The following PRKAR1A variants were observed in gnomAD, a reference collection of about 807,000 sequenced individuals.
PRKAR1A encodes the protein protein kinase cAMP-dependent type I regulatory subunit alpha.
In PRKAR1A, 3 loss-of-function variants were observed where a neutral mutation model predicts 52.0. That is an observed-to-expected ratio of 0.06 (90% CI 0.03 to 0.15). The LOEUF (loss-of-function observed/expected upper bound fraction) is 0.15. Ranked by LOEUF, PRKAR1A falls within the 10% of genes least tolerant of loss-of-function variation. The probability of loss-of-function intolerance (pLI) is 1.00; values close to 1 mark genes in which losing one functional copy is unlikely to be tolerated. For missense variants in PRKAR1A, 240 were observed against 477.4 expected, an observed-to-expected ratio of 0.50 and a Z score of 4.63; for synonymous variants, 188 against 168.4, an observed-to-expected ratio of 1.12 and a Z score of -0.90.
the PRKAR1A span, chr17:68,426,064 C>T: frequency 6.2e-7 from 1 of 1,612,482 alleles, no homozygotes; most frequent in Non-Finnish European, 8.5e-7. Flanking sequence ...TTACGGGTTC[C>T]TAATGCTCAC....
At chr17:68,538,297 CTT>C (rs772687669), downstream of PRKAR1A, among the ~76,000 whole-genome samples, 18 of 152,174 alleles carry the variant, frequency 1.2e-4, no homozygotes, top group Non-Finnish European at 1.0e-4. Context: ...GCTTAATTGA[CTT>C]TTGTCAAAAA....
At chr17:68,539,644 C>T (rs573099642) in intron 11 of PRKAR1A, among the ~76,000 whole-genome samples, 2 of 152,352 alleles carry the variant, frequency 1.3e-5, no homozygotes, top group East Asian at 1.9e-4. Context: ...GCACCTTGCT[C>T]TCGAAAACCT....
At chr17:68,542,145 C>G in intron 11 of PRKAR1A, 3 of 1,613,924 alleles carry the variant, frequency 1.9e-6, no homozygotes, top group Non-Finnish European at 2.5e-6. Context: ...GGACACTTGG[C>G]GAAGAAGCAC....
intron 11 of PRKAR1A, chr17:68,539,845 C>A (rs750178888): frequency 2.5e-6 from 4 of 1,597,002 alleles, no homozygotes; most frequent in Admixed American, 1.7e-5. Flanking sequence ...AGCAGCACAT[C>A]TGGGAGAGGG....
At chr17:68,541,128 T>C in intron 11 of PRKAR1A, 2 of 913,614 alleles carry the variant, frequency 2.2e-6, no homozygotes, top group Non-Finnish European at 3.2e-6. Context: ...TAAGGCTGCA[T>C]ATTCCGTGTG....
At chr17:68,455,440 G>A in the PRKAR1A span, among the ~76,000 whole-genome samples, 1 of 151,470 alleles carries the variant, frequency 6.6e-6, no homozygotes, top group African/African-American at 2.4e-5. Context: ...GGACTGGTAA[G>A]GGTTTGCTGT....
chr17:68,492,003 T>C, the PRKAR1A span, among the ~76,000 whole-genome samples: 2 of 152,122 alleles, frequency 1.3e-5, no homozygotes, highest in Non-Finnish European at 2.9e-5. Context: ...GGGTTGGAGG[T>C]CATCCAAGCT....
At chr17:68,428,959 A>C in the PRKAR1A span, 1 of 1,576,454 alleles carries the variant, frequency 6.3e-7, no homozygotes, top group Non-Finnish European at 8.7e-7. Flanking sequence ...GAAAACATAA[A>C]CCGTGATGAC....
In PRKAR1A at chr17:68,533,012, G is replaced by A. The variant is rs1228233184; in HGVS notation, c.*2563G>A. 2 of 1,065,720 alleles carry A rather than the reference G, an allele frequency of 1.9e-6. No individual in the cohort carries two copies. The highest frequency in any genetic ancestry group is 2.3e-6 in the Non-Finnish European group (2 of 879,654). 66.0% of individuals were successfully genotyped at this position (1,065,720 alleles called of 1,614,324 possible). A position where few individuals can be genotyped will look rare whatever the true frequency, so the allele number is the denominator to read the frequency against. On this transcript the variant is annotated 3_prime_UTR_variant, in exon 11 of 11. Coordinates refer to ENST00000589228, the MANE Select transcript of PRKAR1A (RefSeq NM_002734.5). ...TTAGTCATGGAAAGAAAAAAATTCA[G>A]TCAAAAGCTAAAGATTTCCTTTTGA...
At chr17:68,494,068 G>A in the PRKAR1A span, among the ~76,000 whole-genome samples, 1 of 152,000 alleles carries the variant, frequency 6.6e-6, no homozygotes, top group Admixed American at 6.6e-5. Context: ...TTTCTTTTTT[G>A]TATTTTTCTA....
At position 68,533,354 on chromosome 17, in the gene PRKAR1A, C is replaced by G. The variant is rs967477245; in HGVS notation, c.*2905C>G. On this transcript the variant is annotated 3_prime_UTR_variant, in exon 11 of 11. Coordinates refer to ENST00000589228, the MANE Select transcript of PRKAR1A (RefSeq NM_002734.5). ...GTTGCTTTGAACATGTGTACCTTTT[C>G]TAGATTCAGTAATCCCTTCCCCCCG... The G allele has an allele frequency of 9.4e-7, 1 of 1,062,352 alleles. No individual in the cohort carries two copies. Among genetic ancestry groups the G allele is most frequent in the Non-Finnish European group, 1.1e-6 (1 of 877,350 alleles). The allele number at this position is 1,062,352 out of a possible 1,614,324, so 65.8% of individuals were successfully genotyped here. A position where few individuals can be genotyped will look rare whatever the true frequency, so the allele number is the denominator to read the frequency against.
chr17:68,426,300 C>T, the PRKAR1A span: 3 of 742,676 alleles, frequency 4.0e-6, no homozygotes, highest in South Asian at 1.6e-5. Context: ...TGTCTTCCCC[C>T]TGGAGGTACT....
At chr17:68,545,390 T>G (rs1331701954) in intron 11 of PRKAR1A, among the ~76,000 whole-genome samples, 1 of 152,230 alleles carries the variant, frequency 6.6e-6, no homozygotes, top group African/African-American at 2.4e-5. Context: ...TCATGCACAT[T>G]TTTTGGTTCC....
At chr17:68,536,164 T>C (rs150657900), downstream of PRKAR1A, 76 of 454,152 alleles carry the variant, frequency 1.7e-4, no homozygotes, top group African/African-American at 1.3e-3. Context: ...AGGCTATCTT[T>C]GCTCACACTG....
At chr17:68,495,983 CCTCTCCTCTCCTCTCCT>C in the PRKAR1A span, among the ~76,000 whole-genome samples, 1 of 6,542 alleles carries the variant, frequency 1.5e-4, no homozygotes, top group Non-Finnish European at 2.6e-4. Context: ...TCTCTCCTCT[CCTCTCCTCTCCTCTCCT>C]CCCCTCCCCT....
downstream of PRKAR1A, chr17:68,537,507 T>G: frequency 1.2e-6 from 2 of 1,613,972 alleles, no homozygotes; most frequent in African/African-American, 1.3e-5. The surrounding 1 kb of genome is among the most constrained non-coding windows in gnomAD (Gnocchi z 4.2). Flanking sequence ...GGCCAGAGTC[T>G]GGGGCCAACT....
chr17:68,525,256 A>ACAAAGT lies in PRKAR1A; in HGVS notation c.549+298_549+299insCAAAGT, dbSNP rs1345020022. Among the ~76,000 whole-genome samples the ACAAAGT allele has an allele frequency of 2.2e-4, 34 of 151,824 alleles. 1 individual carries two copies. In the East Asian group the frequency reaches 6.2e-3, roughly 28 times the overall value. Reference sequence around the variant, plus strand: ...AGGGTTGCTTGAGCCCAGGAGTTCAAGACCAGCCTGGGCAACAAAGTGAAA... The same window carrying ACAAAGT: ...AGGGTTGCTTGAGCCCAGGAGTTCAACAAAGTGACCAGCCTGGGCAACAAAGTGAAA... On this transcript the variant is annotated intron_variant, in intron 6 of 10. Transcript: ENST00000589228.
the PRKAR1A span, among the ~76,000 whole-genome samples, chr17:68,454,701 TA>T: frequency 1.3e-5 from 2 of 152,354 alleles, no homozygotes; most frequent in African/African-American, 4.8e-5. Flanking sequence ...TTTCTTCACA[TA>T]AACTTTTTCA....
chr17:68,466,221 G>T, the PRKAR1A span, among the ~76,000 whole-genome samples: 1 of 152,034 alleles, frequency 6.6e-6, no homozygotes, highest in African/African-American at 2.4e-5. Flanking sequence ...GAAATGCCTC[G>T]CACGTGCGGG....
Sources: gnomAD v4.1 joint callset for allele counts (sites outside exome capture counted in the v4.1 genomes callset) on GRCh38, gnomAD v4.1.1 for gene constraint, Gnocchi (gnomAD v3.1) non-coding constraint, MANE v1.5 for transcripts, NCBI Gene and HGNC (gene_info 2026-07-23, HGNC 2026-07-21) for gene names.